The following XKR9 variants were observed in gnomAD, a reference collection of about 807,000 sequenced individuals.
XKR9 encodes the protein XK-related protein 9.
XKR9 carries 32 observed loss-of-function variants against 32.0 expected under a neutral mutation model. The observed-to-expected ratio is 1.00, with a 90% CI of 0.76 to 1.34. The LOEUF is 1.34. Among genes scored for constraint, XKR9 ranks in the 40% most tolerant of loss-of-function variants. The pLI is 0.00. For synonymous variants in XKR9, 168 were observed against 143.4 expected (o/e 1.17, Z -1.22); for missense variants, 546 against 429.7 (o/e 1.27, Z -2.39).
the XKR9 span, among the ~76,000 whole-genome samples, chr8:71,041,438 C>T: frequency 6.6e-6 from 1 of 152,108 alleles, no homozygotes; most frequent in African/African-American, 2.4e-5. Flanking sequence ...TCAGAGATTG[C>T]TAGTGCCGAT....
At chr8:70,841,203 C>T in the XKR9 span, among the ~76,000 whole-genome samples, 1 of 151,980 alleles carries the variant, frequency 6.6e-6, no homozygotes, top group Non-Finnish European at 1.5e-5. Flanking sequence ...CCTCAGTTTC[C>T]ATCTCTGTAA....
chr8:70,942,317 G>T, the XKR9 span, among the ~76,000 whole-genome samples: 1 of 152,102 alleles, frequency 6.6e-6, no homozygotes, highest in Non-Finnish European at 1.5e-5. Flanking sequence ...TGACTTTTGT[G>T]GTTCCCTAGG....
At chr8:70,945,494 A>G in the XKR9 span, among the ~76,000 whole-genome samples, 1 of 152,222 alleles carries the variant, frequency 6.6e-6, no homozygotes, top group Non-Finnish European at 1.5e-5. Context: ...TGCTGTAACT[A>G]AATCCTAAAA....
At chr8:70,703,852 T>G (rs1177787136) in intron 3 of XKR9, among the ~76,000 whole-genome samples, 1 of 152,112 alleles carries the variant, frequency 6.6e-6, no homozygotes, top group Non-Finnish European at 1.5e-5. Context: ...GCCCTCTCTG[T>G]TTTTCTTTTT....
intron 3 of XKR9, among the ~76,000 whole-genome samples, chr8:70,698,781 G>T (rs1247963785): frequency 6.6e-6 from 1 of 152,104 alleles, no homozygotes; most frequent in Non-Finnish European, 1.5e-5. Context: ...TGTTGACAGT[G>T]GGGTGTTAAA....
the XKR9 span, among the ~76,000 whole-genome samples, chr8:70,824,427 T>A: frequency 6.6e-6 from 1 of 152,084 alleles, no homozygotes; most frequent in Non-Finnish European, 1.5e-5. Flanking sequence ...TATTTAGGTG[T>A]CTTTATTTCC....
the XKR9 span, among the ~76,000 whole-genome samples, chr8:70,803,401 T>G: frequency 6.6e-6 from 1 of 152,232 alleles, no homozygotes; most frequent in African/African-American, 2.4e-5. Context: ...TAAGTGTTGA[T>G]GACCTTCATT....
At chr8:70,999,514 A>T in the XKR9 span, among the ~76,000 whole-genome samples, 4 of 152,216 alleles carry the variant, frequency 2.6e-5, no homozygotes, top group Admixed American at 2.0e-4. Context: ...CACCAAATAG[A>T]TTAGTAATTA....
chr8:70,812,037 C>G, the XKR9 span, among the ~76,000 whole-genome samples: 2 of 152,142 alleles, frequency 1.3e-5, no homozygotes, highest in African/African-American at 4.8e-5. Context: ...ATGCAAAAAT[C>G]CTCAATAAAA....
chr8:71,015,662 T>C, the XKR9 span, among the ~76,000 whole-genome samples: 1 of 152,292 alleles, frequency 6.6e-6, no homozygotes, highest in South Asian at 2.1e-4. Context: ...GCAGGGTTTT[T>C]ATCACTGCAA....
chr8:70,779,334 G>A (rs1300046431), intron 2 of XKR9, among the ~76,000 whole-genome samples: 2 of 152,142 alleles, frequency 1.3e-5, no homozygotes, highest in African/African-American at 4.8e-5. Context: ...TTTTTGATAT[G>A]CTGCTGGATT....
At chr8:71,055,475 A>C in the XKR9 span, among the ~76,000 whole-genome samples, 992 of 152,288 alleles carry the variant, frequency 6.5e-3, 11 homozygotes, top group African/African-American at 0.022. Flanking sequence ...GAGAAGGAGA[A>C]TGTCTATGTT....
At chr8:70,679,933 C>T (rs1189333120) in intron 2 of XKR9, among the ~76,000 whole-genome samples, 1 of 151,926 alleles carries the variant, frequency 6.6e-6, no homozygotes, top group Non-Finnish European at 1.5e-5. Context: ...TGAGATTCTG[C>T]ATGAGTATCA....
intron 2 of XKR9, among the ~76,000 whole-genome samples, chr8:70,753,508 A>T (rs1244601301): frequency 1.3e-5 from 2 of 152,252 alleles, no homozygotes; most frequent in African/African-American, 4.8e-5. Flanking sequence ...TTGTTGCAAA[A>T]GTCCTCAATA....
intron 4 of XKR9, among the ~76,000 whole-genome samples, chr8:70,728,877 A>G (rs1021924191): frequency 6.6e-6 from 1 of 152,228 alleles, no homozygotes; most frequent in Non-Finnish European, 1.5e-5. Flanking sequence ...AAGATATTTT[A>G]AAGCCGAGCA....
intron 4 of XKR9, among the ~76,000 whole-genome samples, chr8:70,729,612 C>T (rs549840579): frequency 6.6e-6 from 1 of 152,120 alleles, no homozygotes; most frequent in South Asian, 2.1e-4. Context: ...GCAACAATTG[C>T]CTATGGATGA....
chr8:70,940,317 T>C, the XKR9 span, among the ~76,000 whole-genome samples: 1 of 152,040 alleles, frequency 6.6e-6, no homozygotes, highest in African/African-American at 2.4e-5. Flanking sequence ...CTTAAATAGT[T>C]ATCTACCATC....
At chr8:70,724,929 T>C (rs1586860379) in intron 4 of XKR9, among the ~76,000 whole-genome samples, 1 of 152,294 alleles carries the variant, frequency 6.6e-6, no homozygotes, top group South Asian at 2.1e-4. Flanking sequence ...AAAAGCTGGC[T>C]GAGATTGGGT....
At chr8:70,868,925 C>G in the XKR9 span, among the ~76,000 whole-genome samples, 1 of 152,146 alleles carries the variant, frequency 6.6e-6, no homozygotes, top group East Asian at 1.9e-4. Context: ...CCTAAATCAC[C>G]TCTCTCAAGT....
Sources: allele counts gnomAD v4.1 joint callset (sites outside exome capture counted in the v4.1 genomes callset), GRCh38; gene constraint gnomAD v4.1.1; transcripts MANE v1.5; gene names NCBI Gene and HGNC (gene_info 2026-07-23, HGNC 2026-07-21).